ADCY5: variants seen among roughly 807,000 people sequenced by gnomAD.
ADCY5 encodes adenylate cyclase 5.
A neutral mutation model predicts 119.7 loss-of-function variants in ADCY5; 30 were observed. That is an observed-to-expected ratio of 0.25 (90% CI 0.19 to 0.34). The LOEUF is 0.34. Ranked by LOEUF, ADCY5 falls within the 10% of genes least tolerant of loss-of-function variation. The pLI is 1.00. For missense variants in ADCY5, 1,324 were observed against 1,775.2 expected (o/e 0.75, Z 4.57); for synonymous variants, 753 against 762.2 (o/e 0.99, Z 0.20).
Position 123,286,388 on chromosome 3 carries a change from G to T in ADCY5, c.3657+297C>A, listed in dbSNP as rs578106261. Among the ~76,000 whole-genome samples, 5 of 152,336 alleles carry T rather than the reference G, an allele frequency of 3.3e-5. No individual in the cohort carries two copies. Among genetic ancestry groups the T allele is most frequent in the African/African-American group, 1.2e-4 (5 of 41,580 alleles). ...CCTGGGCTAGGAGGCACTGGGGCCT[G>T]CATGTGCACTCTCAGCTCGGCCTCT... On this transcript the variant is annotated intron_variant, in intron 20 of 20. Transcript: ENST00000462833. This position sits in a 1 kb window ranked among gnomAD's most constrained non-coding sequence, Gnocchi z 4.2.
intron 3 of ADCY5, among the ~76,000 whole-genome samples, chr3:123,334,813 A>C (rs1463190303): frequency 6.6e-6 from 1 of 152,228 alleles, no homozygotes; most frequent in Non-Finnish European, 1.5e-5. Context: ...GTGGGTACAA[A>C]GTGATGTGAT....
rs1463582722 is a variant in ADCY5 at position 123,328,820 on chromosome 3, G to T, written c.1647-18C>A. On this transcript the variant is annotated intron_variant, in intron 5 of 20. Coordinates refer to ENST00000462833, the MANE Select transcript of ADCY5 (RefSeq NM_183357.3). ...GGACCAACCTGGGGATGGAGCAGGA[G>T]TAAAGCTGGGAGAAGGCTGGAGGCC... The T allele has an allele frequency of 1.9e-6, 3 of 1,611,896 alleles. No homozygotes were observed. In the South Asian group the frequency reaches 3.3e-5, roughly 18 times the overall value.
rs774523939 is a variant in ADCY5 at position 123,286,831 on chromosome 3, C to T, written c.3533-22G>A. ...AGCCCTGCAGGGGACAGGAATCAGCCACAGTCATCACATCTCTGGCTTGAC... is the reference window on the plus strand; with the variant it reads ...AGCCCTGCAGGGGACAGGAATCAGCTACAGTCATCACATCTCTGGCTTGAC... On this transcript the variant is annotated intron_variant, in intron 19 of 20. Transcript: ENST00000462833. This position sits in a 1 kb window ranked among gnomAD's most constrained non-coding sequence, Gnocchi z 4.2. The T allele has an allele frequency of 1.7e-5, 27 of 1,571,114 alleles. No individual in the cohort carries two copies. Among genetic ancestry groups the T allele is most frequent in the African/African-American group, 2.7e-5 (2 of 73,548 alleles).
intron 1 of ADCY5, among the ~76,000 whole-genome samples, chr3:123,407,516 CAAAGCAG>C (rs1944930131): frequency 6.8e-6 from 1 of 147,496 alleles, no homozygotes; most frequent in African/African-American, 2.5e-5. Context: ...TTTGGGAGGC[CAAAGCAG>C]GAGGTATCGC....
chr3:123,295,000 C>G (rs1939411836), intron 17 of ADCY5, among the ~76,000 whole-genome samples: 2 of 152,140 alleles, frequency 1.3e-5, no homozygotes. Flanking sequence ...GTGCCCCAGC[C>G]CAGGGCTTCA....
In ADCY5 at chr3:123,284,668, C is replaced by T; in HGVS notation, c.3726G>A (p.Lys1242=). 1.2e-6 allele frequency: 2 copies of T among 1,614,270 alleles called. No homozygotes were observed. The highest frequency in any genetic ancestry group is 1.7e-6 in the Non-Finnish European group (2 of 1,180,050). ...TYQLECRGVV[K]VKGKGEMMTY... ...TCATCATCTCGCCTTTGCCCTTGAC[C>T]TTGACCACGCCCCGGCACTCCAGCT... The change falls in exon 21 of 21, where the codon AAG becomes AAA. Residue 1242 remains lysine (K), a synonymous_variant. Coordinates refer to ENST00000462833, the MANE Select transcript of ADCY5 (RefSeq NM_183357.3).
At chr3:123,369,256 G>A (rs771093669) in intron 1 of ADCY5, among the ~76,000 whole-genome samples, 2 of 152,168 alleles carry the variant, frequency 1.3e-5, no homozygotes, top group Admixed American at 6.5e-5. Context: ...GAAGGCCCTC[G>A]CTAGGTGCTG....
At chr3:123,324,367 C>T (rs931383042) in intron 8 of ADCY5, among the ~76,000 whole-genome samples, 3 of 148,478 alleles carry the variant, frequency 2.0e-5, no homozygotes, top group African/African-American at 7.4e-5. Flanking sequence ...GCTACTTGTG[C>T]AACATGCCCC....
intron 1 of ADCY5, among the ~76,000 whole-genome samples, chr3:123,396,282 A>G (rs1476255196): frequency 6.8e-6 from 1 of 147,812 alleles, no homozygotes; most frequent in Non-Finnish European, 1.5e-5. Flanking sequence ...AAAGAGAGAG[A>G]GGGAAAGAGG....
intron 1 of ADCY5, among the ~76,000 whole-genome samples, chr3:123,403,573 G>A (rs747788445): frequency 6.6e-6 from 1 of 152,106 alleles, no homozygotes; most frequent in Non-Finnish European, 1.5e-5. Context: ...GCATTGTTGA[G>A]TGAACAAGTG....
intron 1 of ADCY5, among the ~76,000 whole-genome samples, chr3:123,433,969 G>A (rs142691547): frequency 2.0e-4 from 30 of 152,240 alleles, no homozygotes; most frequent in South Asian, 4.1e-4. Flanking sequence ...CACCAATGCC[G>A]GCTCAGGAAA....
At position 123,292,533 on chromosome 3, in the gene ADCY5, C is replaced by T. The variant is rs146625931; in HGVS notation, c.3064-1157G>A. Among the ~76,000 whole-genome samples, 501 of 152,302 alleles carry T rather than the reference C, an allele frequency of 3.3e-3. 3 individuals carry two copies. The highest frequency in any genetic ancestry group is 0.011 in the African/African-American group (470 of 41,568). On this transcript the variant is annotated intron_variant, in intron 17 of 20. Coordinates refer to ENST00000462833, the MANE Select transcript of ADCY5 (RefSeq NM_183357.3). ...AGGGCTTCTGGACGCTAAAGGGCCC[C>T]GCCTTCCACCACCACCCACAGAGGC... is the stretch of plus-strand genomic sequence containing the variant.
chr3:123,392,658 C>T (rs1304538733), intron 1 of ADCY5, among the ~76,000 whole-genome samples: 1 of 152,126 alleles, frequency 6.6e-6, no homozygotes, highest in East Asian at 1.9e-4. Context: ...TACTCCCCTT[C>T]TCTGTATCTT....
chr3:123,369,630 A>G (rs1943564643), intron 1 of ADCY5, among the ~76,000 whole-genome samples: 1 of 152,240 alleles, frequency 6.6e-6, no homozygotes, highest in South Asian at 2.1e-4. Flanking sequence ...TTGAGTCTAT[A>G]GGAGAAATGA....
Position 123,447,503 on chromosome 3 carries a change from C to T in ADCY5, c.1043G>A (p.Arg348Gln). The T allele has an allele frequency of 6.2e-7, 1 of 1,611,578 alleles. No individual in the cohort carries two copies. The highest frequency in any genetic ancestry group is 8.5e-7 in the Non-Finnish European group (1 of 1,179,560). Residue 348 changes from arginine (R) to glutamine (Q), a missense_variant, in exon 1 of 21, where the codon CGG (arginine) becomes CAG (glutamine). Arg to Gln is a conservative substitution (Grantham distance 43, BLOSUM62 1). Transcript: ENST00000462833. ...TIYTLLPVRM[R>Q]AAVLSGVLLS... is the part of the protein sequence containing the mutation. ...GAGCACCCCGCTGAGCACTGCGGCC[C>T]GCATGCGCACGGGCAGCAGCGTGTA...
Position 123,284,451 on chromosome 3 carries a change from C to A in ADCY5, c.*157G>T, listed in dbSNP as rs13317079. 3,770 of 1,234,800 alleles carry A rather than the reference C, an allele frequency of 3.1e-3. 79 individuals carry two copies. In the African/African-American group the frequency reaches 0.047, roughly 15 times the overall value. The allele number at this position is 1,234,800 out of a possible 1,614,324, so 76.5% of individuals were successfully genotyped here. ...GGCCTGGGACAGAGGCCGCTGCCCA[C>A]CAGCAAAGGCAGAAGCTGCTCTGGA... On this transcript the variant is annotated 3_prime_UTR_variant, in exon 21 of 21. Transcript: ENST00000462833.
intron 3 of ADCY5, among the ~76,000 whole-genome samples, chr3:123,342,263 C>G (rs1042674409): frequency 4.6e-5 from 7 of 152,148 alleles, no homozygotes; most frequent in Non-Finnish European, 7.3e-5. Flanking sequence ...CGGACATTGT[C>G]GCGTGGTCAT....
intron 7 of ADCY5, 103 bp from the exon 8 acceptor site, chr3:123,325,565 C>A: frequency 6.9e-7 from 1 of 1,445,218 alleles, no homozygotes; most frequent in Non-Finnish European, 9.6e-7. Flanking sequence ...GCTAAGGCAG[C>A]TGCCCTTTCC....
chr3:123,291,012 C>G lies in ADCY5; in HGVS notation c.3327+101G>C, dbSNP rs73186452. The G allele has an allele frequency of 3.5e-6, 5 of 1,429,834 alleles. No individual in the cohort carries two copies. The Admixed American group carries it at 1.3e-4, about 36-fold the overall frequency. The allele number at this position is 1,429,834 out of a possible 1,614,324, so 88.6% of individuals were successfully genotyped here. A position where few individuals can be genotyped will look rare whatever the true frequency, so the allele number is the denominator to read the frequency against. ...GCTCCCATCATCACTGCTTATGTCA[C>G]GATGGTAGAAGGGGGCGCCAGGTCT... On this transcript the variant is annotated intron_variant, in intron 18 of 20. Transcript: ENST00000462833.
Sources: gnomAD v4.1 joint callset for allele counts (sites outside exome capture counted in the v4.1 genomes callset) on GRCh38, gnomAD v4.1.1 for gene constraint, Gnocchi (gnomAD v3.1) non-coding constraint, MANE v1.5 for transcripts, NCBI Gene and HGNC (gene_info 2026-07-23, HGNC 2026-07-21) for gene names.